BMAL1: variants seen among roughly 807,000 people sequenced by gnomAD.
BMAL1 encodes basic helix-loop-helix ARNT-like protein 1.
the BMAL1 span, among the ~76,000 whole-genome samples, chr11:13,364,176 A>G: frequency 0.012 from 1,822 of 152,348 alleles, 45 homozygotes; most frequent in African/African-American, 0.042. Flanking sequence ...ATTTGTTGAC[A>G]GAATGAGGCT....
At chr11:13,284,233 TG>T in the BMAL1 span, among the ~76,000 whole-genome samples, 1 of 2,388 alleles carries the variant, frequency 4.2e-4, no homozygotes, top group South Asian at 0.045. Context: ...TATATGTGTG[TG>T]TATATATATA....
At chr11:13,386,486 C>A in the BMAL1 span, 1 of 1,175,998 alleles carries the variant, frequency 8.5e-7, no homozygotes, top group Non-Finnish European at 1.2e-6. Context: ...AGCATCTCAC[C>A]CTACCATTAA....
chr11:13,314,476 T>C, the BMAL1 span, among the ~76,000 whole-genome samples: 1 of 152,180 alleles, frequency 6.6e-6, no homozygotes, highest in Non-Finnish European at 1.5e-5. Flanking sequence ...ACAGGTTGTG[T>C]TGGGCTTGAG....
At chr11:13,311,242 G>A in the BMAL1 span, among the ~76,000 whole-genome samples, 1 of 152,214 alleles carries the variant, frequency 6.6e-6, no homozygotes, top group African/African-American at 2.4e-5. Flanking sequence ...ATTAAGTCTA[G>A]AGATGTGGAA....
chr11:13,356,771 A>G, the BMAL1 span: 1 of 1,614,162 alleles, frequency 6.2e-7, no homozygotes, highest in Non-Finnish European at 8.5e-7. Flanking sequence ...GATGACCCTC[A>G]TGGAAGGTAC....
At chr11:13,299,387 A>G in the BMAL1 span, among the ~76,000 whole-genome samples, 4 of 152,218 alleles carry the variant, frequency 2.6e-5, no homozygotes, top group South Asian at 8.3e-4. Context: ...GCTGGCCTGT[A>G]AGGGATCTGA....
the BMAL1 span, among the ~76,000 whole-genome samples, chr11:13,300,777 C>A: frequency 6.6e-6 from 1 of 152,160 alleles, no homozygotes; most frequent in Admixed American, 6.5e-5. Context: ...AGGTTGTAGA[C>A]TTGCTGAAAG....
At chr11:13,349,730 G>A in the BMAL1 span, among the ~76,000 whole-genome samples, 1 of 152,164 alleles carries the variant, frequency 6.6e-6, no homozygotes, top group South Asian at 2.1e-4. Context: ...TTTTTCATGT[G>A]TTTGCAGCTT....
chr11:13,354,560 A>AT, the BMAL1 span: 86 of 1,421,632 alleles, frequency 6.0e-5, 1 homozygote, highest in Non-Finnish European at 1.3e-5. Flanking sequence ...TGGGAATAAA[A>AT]AACCCAACTC....
At chr11:13,387,262 A>G in the BMAL1 span, 5 of 152,680 alleles carry the variant, frequency 3.3e-5, no homozygotes, top group African/African-American at 7.2e-5. Flanking sequence ...CCCTTGTTCT[A>G]TAAATACTGT....
chr11:13,373,897 T>C, the BMAL1 span, among the ~76,000 whole-genome samples: 1 of 152,180 alleles, frequency 6.6e-6, no homozygotes, highest in African/African-American at 2.4e-5. Context: ...TCTATTTTTA[T>C]AGCCTTGATT....
At chr11:13,345,167 C>T in the BMAL1 span, among the ~76,000 whole-genome samples, 2 of 152,354 alleles carry the variant, frequency 1.3e-5, no homozygotes, top group African/African-American at 4.8e-5. Flanking sequence ...CTCCACCCAG[C>T]TGTCACACTA....
chr11:13,357,226 G>A, the BMAL1 span: 1 of 1,352,748 alleles, frequency 7.4e-7, no homozygotes, highest in Non-Finnish European at 1.0e-6. The surrounding 1 kb of genome is among the most constrained non-coding windows in gnomAD (Gnocchi z 4.8). Flanking sequence ...TAGGGAATAG[G>A]CAGGTAGTGG....
chr11:13,343,066 G>A, the BMAL1 span, among the ~76,000 whole-genome samples: 2 of 152,160 alleles, frequency 1.3e-5, no homozygotes, highest in Non-Finnish European at 2.9e-5. Flanking sequence ...TGTGAGGCAG[G>A]TAATGTTATC....
At chr11:13,291,282 C>G in the BMAL1 span, among the ~76,000 whole-genome samples, 1 of 152,090 alleles carries the variant, frequency 6.6e-6, no homozygotes, top group Non-Finnish European at 1.5e-5. Context: ...TCATCACAAC[C>G]CTATGAGGGT....
chr11:13,316,916 C>T, the BMAL1 span, among the ~76,000 whole-genome samples: 1 of 152,160 alleles, frequency 6.6e-6, no homozygotes, highest in African/African-American at 2.4e-5. Flanking sequence ...TTTGGAGGCC[C>T]ACCTGCTTCA....
At chr11:13,368,727 A>G in the BMAL1 span, among the ~76,000 whole-genome samples, 2 of 152,174 alleles carry the variant, frequency 1.3e-5, no homozygotes, top group African/African-American at 2.4e-5. Context: ...GCTTTTCAAC[A>G]TAGTCATGCT....
chr11:13,354,463 G>C, the BMAL1 span: 11 of 1,611,540 alleles, frequency 6.8e-6, no homozygotes, highest in Non-Finnish European at 9.3e-6. Context: ...GGCCTTTGGG[G>C]CATGTCTTCC....
chr11:13,325,657 TTGTGTGTGTGTGTG>T, the BMAL1 span, among the ~76,000 whole-genome samples: 1 of 134,346 alleles, frequency 7.4e-6, no homozygotes, highest in Non-Finnish European at 1.6e-5. Flanking sequence ...TTGAGACCTT[TTGTGTGTGTGTGTG>T]TGTGTGTGTG....
Sources: gnomAD v4.1 joint callset for allele counts (sites outside exome capture counted in the v4.1 genomes callset) on GRCh38, gnomAD v4.1.1 for gene constraint, Gnocchi (gnomAD v3.1) non-coding constraint, MANE v1.5 for transcripts, NCBI Gene and HGNC (gene_info 2026-07-23, HGNC 2026-07-21) for gene names.